The following TMEM135 variants were observed in gnomAD, a reference collection of about 807,000 sequenced individuals.
TMEM135 encodes the protein transmembrane protein 135.
TMEM135 carries 30 observed loss-of-function variants against 60.3 expected under a neutral mutation model. The observed-to-expected ratio is 0.50, with a 90% CI of 0.37 to 0.68. The LOEUF is 0.68. TMEM135 is among the 30% of genes least tolerant of loss of function. The pLI is 0.00. For missense variants in TMEM135, 468 were observed against 548.8 expected (o/e 0.85, Z 1.47); for synonymous variants, 190 against 186.7 (o/e 1.02, Z -0.14).
intron 5 of TMEM135, among the ~76,000 whole-genome samples, chr11:87,202,688 G>GT (rs1274333832): frequency 6.7e-6 from 1 of 149,998 alleles, no homozygotes; most frequent in Non-Finnish European, 1.5e-5. Flanking sequence ...GACATTTGTT[G>GT]TCAAGCACTG....
chr11:87,129,213 A>ACTTTTTT (rs1937829634), intron 4 of TMEM135, among the ~76,000 whole-genome samples: 1 of 116,170 alleles, frequency 8.6e-6, no homozygotes, highest in Non-Finnish European at 1.9e-5. Context: ...TTATTCCTTA[A>ACTTTTTT]TTTTTTTTTT....
chr11:87,151,433 C>G (rs1456758940), intron 4 of TMEM135, among the ~76,000 whole-genome samples: 1 of 151,952 alleles, frequency 6.6e-6, no homozygotes, highest in Non-Finnish European at 1.5e-5. Context: ...TCAGAAATTT[C>G]TTTTGATCTT....
At chr11:87,049,850 C>T (rs959808373) in intron 1 of TMEM135, among the ~76,000 whole-genome samples, 3 of 114,860 alleles carry the variant, frequency 2.6e-5, no homozygotes, top group Non-Finnish European at 5.3e-5. Context: ...CACCCCAAAT[C>T]AACACAATAT....
At chr11:87,132,199 G>A (rs1044494056) in intron 4 of TMEM135, among the ~76,000 whole-genome samples, 8 of 151,878 alleles carry the variant, frequency 5.3e-5, no homozygotes, top group South Asian at 2.1e-4. Flanking sequence ...CCCCCTCCCC[G>A]CCACCACCCA....
intron 5 of TMEM135, among the ~76,000 whole-genome samples, chr11:87,202,818 G>A (rs1299185750): frequency 6.6e-6 from 1 of 150,752 alleles, no homozygotes; most frequent in African/African-American, 2.4e-5. Context: ...GGATCATGAG[G>A]TCAGGAGATC....
At chr11:87,248,256 A>G (rs945195192) in intron 6 of TMEM135, among the ~76,000 whole-genome samples, 1 of 152,136 alleles carries the variant, frequency 6.6e-6, no homozygotes, top group Non-Finnish European at 1.5e-5. Flanking sequence ...TTCTATTTTT[A>G]GTTCTTTGAG....
chr11:87,095,102 A>T (rs1857293636), intron 4 of TMEM135: 1 of 188,812 alleles, frequency 5.3e-6, no homozygotes, highest in African/African-American at 2.3e-5. Context: ...TAAAGCATAA[A>T]ATTCAGCTCC....
intron 4 of TMEM135, among the ~76,000 whole-genome samples, chr11:87,124,953 CTTGCTTTAG>C (rs1159284178): frequency 6.6e-6 from 1 of 151,656 alleles, no homozygotes; most frequent in Non-Finnish European, 1.5e-5. Flanking sequence ...ATTTTGTTTC[CTTGCTTTAG>C]TTGCTACTTC....
intron 6 of TMEM135, among the ~76,000 whole-genome samples, chr11:87,283,265 G>C (rs1942101832): frequency 1.3e-5 from 2 of 151,736 alleles, no homozygotes; most frequent in Admixed American, 1.3e-4. Flanking sequence ...ACCCGGAGGT[G>C]GAGGTTGCAG....
At chr11:87,188,227 A>G (rs1176165212) in intron 5 of TMEM135, among the ~76,000 whole-genome samples, 1 of 152,118 alleles carries the variant, frequency 6.6e-6, no homozygotes, top group East Asian at 1.9e-4. Context: ...CCTCAATCTC[A>G]TACAGAGGGC....
intron 4 of TMEM135, among the ~76,000 whole-genome samples, chr11:87,113,911 CGTACTA>C (rs1565446681): frequency 6.6e-6 from 1 of 151,932 alleles, no homozygotes; most frequent in Admixed American, 6.6e-5. Context: ...ATATAAAAGA[CGTACTA>C]GTGCATAGGA....
Position 87,095,155 on chromosome 11 carries a change from A to G in TMEM135, c.396+3760A>G, listed in dbSNP as rs530910112. 5.0e-5 allele frequency: 9 copies of G among 181,066 alleles called. No individual in the cohort carries two copies. The South Asian group carries it at 1.1e-3, about 23-fold the overall frequency. The allele number at this position is 181,066 out of a possible 1,614,324, so 11.2% of individuals were successfully genotyped here. ...TAACTGAGTACATCCACATCCCCAA[A>G]GTAATGATCTGTGCTTCATAATGCT... On this transcript the variant is annotated intron_variant, in intron 4 of 14. Transcript: ENST00000305494.
intron 5 of TMEM135, among the ~76,000 whole-genome samples, chr11:87,184,052 A>G (rs1304805360): frequency 6.6e-6 from 1 of 151,836 alleles, no homozygotes; most frequent in Non-Finnish European, 1.5e-5. Context: ...ACTTAGAAAA[A>G]TTTTGCAATA....
At chr11:87,280,348 G>A (rs1942038490) in intron 6 of TMEM135, among the ~76,000 whole-genome samples, 1 of 152,188 alleles carries the variant, frequency 6.6e-6, no homozygotes, top group Non-Finnish European at 1.5e-5. Context: ...ATTCCTCTGA[G>A]TAGCAGGACC....
chr11:87,197,481 T>A (rs1162698459), intron 5 of TMEM135, among the ~76,000 whole-genome samples: 1 of 152,138 alleles, frequency 6.6e-6, no homozygotes, highest in Non-Finnish European at 1.5e-5. Flanking sequence ...GATGGTAACC[T>A]GTAATTTGAC....
intron 13 of TMEM135, 98 bp from the exon 14 acceptor site, chr11:87,319,212 G>A: frequency 9.5e-7 from 1 of 1,052,246 alleles, no homozygotes; most frequent in Non-Finnish European, 1.5e-6. Context: ...AAAAATTCTT[G>A]ATAGTTACCA....
At chr11:87,038,270 G>A in intron 1 of TMEM135, 84 bp downstream of exon 1, 1 of 1,580,722 alleles carries the variant, frequency 6.3e-7, no homozygotes, top group East Asian at 2.3e-5. Context: ...GAGGGGCTCT[G>A]GGGGACTTGC....
At chr11:87,057,795 CTGTG>C (rs35519502) in intron 1 of TMEM135, among the ~76,000 whole-genome samples, 3 of 75,672 alleles carry the variant, frequency 4.0e-5, no homozygotes, top group South Asian at 3.9e-4. Context: ...ACAGAAGCCT[CTGTG>C]TGTGTGTGTG....
intron 5 of TMEM135, among the ~76,000 whole-genome samples, chr11:87,236,294 A>G (rs925502244): frequency 6.6e-6 from 1 of 151,970 alleles, no homozygotes; most frequent in Non-Finnish European, 1.5e-5. Flanking sequence ...TCTGGGCCAC[A>G]TTGGAAGAAG....
Sources: gnomAD v4.1 joint callset for allele counts (sites outside exome capture counted in the v4.1 genomes callset) on GRCh38, gnomAD v4.1.1 for gene constraint, MANE v1.5 for transcripts, NCBI Gene and HGNC (gene_info 2026-07-23, HGNC 2026-07-21) for gene names.